ZYG11B: variants seen among roughly 807,000 people sequenced by gnomAD.
The protein encoded by ZYG11B is zyg-11 family member B, cell cycle regulator.
Under a neutral mutation model 82.4 loss-of-function variants are expected in ZYG11B, and 36 were observed. The observed-to-expected ratio is 0.44, with a 90% CI of 0.33 to 0.58. The LOEUF is 0.58. Among genes scored for constraint, ZYG11B ranks in the 20% least tolerant of loss-of-function variants. ZYG11B has a pLI of 0.02. For synonymous variants in ZYG11B, 303 were observed against 312.8 expected, an observed-to-expected ratio of 0.97 and a Z score of 0.33; for missense variants, 552 against 895.6, an observed-to-expected ratio of 0.62 and a Z score of 4.90.
chr1:52,771,949 A>T lies in ZYG11B; in HGVS notation c.951+175A>T, dbSNP rs1644755480. ...TCAGCTTCATGACCCAGAACAAGCT[A>T]TGATGTCACTTCGAGTTTTTATTTA... is the stretch of plus-strand genomic sequence containing the variant. On this transcript the variant is annotated intron_variant, in intron 3 of 13. Coordinates refer to ENST00000294353, the MANE Select transcript of ZYG11B (RefSeq NM_024646.3). The surrounding 1 kb of genome is among the most constrained non-coding windows in gnomAD (Gnocchi z 5.4). Among the ~76,000 whole-genome samples, 1 of 152,226 alleles carries T rather than the reference A, an allele frequency of 6.6e-6. No homozygotes were observed. The highest frequency in any genetic ancestry group is 2.1e-4 in the South Asian group (1 of 4,838).
chr1:52,781,459 A>G (rs1017306719), intron 4 of ZYG11B, among the ~76,000 whole-genome samples: 3 of 152,092 alleles, frequency 2.0e-5, no homozygotes, highest in Middle Eastern at 3.2e-3. Context: ...AGATCATGCT[A>G]CCACACTCCA....
intron 8 of ZYG11B, among the ~76,000 whole-genome samples, chr1:52,798,240 A>T (rs751617540): frequency 1.3e-5 from 2 of 152,182 alleles, no homozygotes; most frequent in Non-Finnish European, 2.9e-5. Flanking sequence ...TAGGAGTCAG[A>T]TGACCTAGGA....
In ZYG11B at chr1:52,826,933, T is replaced by TA. The variant is rs1645330051; in HGVS notation, c.*5305dup. 1 of 152,186 alleles carries TA rather than the reference T, an allele frequency of 6.6e-6. No homozygotes were observed. Among genetic ancestry groups the TA allele is most frequent in the Admixed American group, 6.6e-5 (1 of 15,262 alleles). The allele number at this position is 152,186 out of a possible 1,614,324, so 9.4% of individuals were successfully genotyped here. ...TTAGCTAATGAAAGCTGAGACACTT[T>TA]ATTAAAAGCAGGATCTTAAGAGCAT... On this transcript the variant is annotated 3_prime_UTR_variant, in exon 14 of 14. Transcript: ENST00000294353.
chr1:52,820,161 G>A (rs1293588045), intron 13 of ZYG11B, among the ~76,000 whole-genome samples: 4 of 151,224 alleles, frequency 2.6e-5, no homozygotes, highest in Non-Finnish European at 5.9e-5. Flanking sequence ...TTATCTGCTC[G>A]CCTCGGCCTC....
chr1:52,816,570 C>G lies in ZYG11B; in HGVS notation c.1985C>G (p.Thr662Arg). The part of the protein sequence containing the change: ...NPFFPLLGCF[T>R]TPGVQLWAVW... ...TTTTTCCCATTACTTGGCTGTTTCA[C>G]AACACCAGGAGTTCAGCTATGGGCA... The change falls in exon 13 of 14, where the codon ACA (threonine) becomes AGA (arginine). Residue 662 changes from threonine (T) to arginine (R), a missense_variant. Thr to Arg is a moderately conservative substitution (Grantham distance 71). Coordinates refer to ENST00000294353, the MANE Select transcript of ZYG11B (RefSeq NM_024646.3). 2 of 1,613,182 alleles carry G rather than the reference C, an allele frequency of 1.2e-6. No homozygotes were observed. Among genetic ancestry groups the G allele is most frequent in the Non-Finnish European group, 1.7e-6 (2 of 1,179,820 alleles).
At chr1:52,794,124 A>T (rs187494419) in intron 6 of ZYG11B, among the ~76,000 whole-genome samples, 3 of 151,832 alleles carry the variant, frequency 2.0e-5, no homozygotes, top group African/African-American at 7.2e-5. Flanking sequence ...ATAGGCGCGC[A>T]CCACCACACC....
intron 2 of ZYG11B, among the ~76,000 whole-genome samples, chr1:52,769,659 A>G (rs1644729075): frequency 2.0e-5 from 3 of 152,172 alleles, no homozygotes; most frequent in Admixed American, 1.3e-4. Context: ...TAACTGTGTA[A>G]CTGTAATTAA....
chr1:52,786,255 G>T (rs548669274), intron 5 of ZYG11B, among the ~76,000 whole-genome samples: 2 of 152,152 alleles, frequency 1.3e-5, no homozygotes, highest in African/African-American at 4.8e-5. Context: ...GTTAGGAAAT[G>T]GGGTGGGGGA....
At chr1:52,779,616 G>C (rs982054837) in intron 3 of ZYG11B, among the ~76,000 whole-genome samples, 3 of 152,092 alleles carry the variant, frequency 2.0e-5, no homozygotes, top group Admixed American at 6.5e-5. Context: ...TCAGCCTCCT[G>C]AGTAGCTGCA....
At chr1:52,770,090 A>ATT (rs1398657976) in intron 2 of ZYG11B, among the ~76,000 whole-genome samples, 4,768 of 70,620 alleles carry the variant, frequency 0.068, 115 homozygotes, top group South Asian at 0.11. Context: ...ATATATATAT[A>ATT]TATTTTTTTT....
intron 6 of ZYG11B, among the ~76,000 whole-genome samples, chr1:52,795,195 C>T (rs1178547419): frequency 1.3e-5 from 2 of 152,096 alleles, no homozygotes; most frequent in African/African-American, 4.8e-5. Context: ...CGAGTGCTGT[C>T]TTGTGATAGA....
At chr1:52,776,362 C>A (rs1030362222) in intron 3 of ZYG11B, among the ~76,000 whole-genome samples, 8 of 147,668 alleles carry the variant, frequency 5.4e-5, no homozygotes, top group Admixed American at 3.4e-4. Flanking sequence ...GAAACCTTGC[C>A]TCTACTAAAA....
chr1:52,753,290 C>G (rs1368436590), intron 1 of ZYG11B, among the ~76,000 whole-genome samples: 2 of 152,120 alleles, frequency 1.3e-5, no homozygotes, highest in South Asian at 2.1e-4. Flanking sequence ...TTGTAATAAA[C>G]TGCTAAGCTG....
chr1:52,815,430 G>C (rs543209677), intron 12 of ZYG11B, among the ~76,000 whole-genome samples: 4 of 152,210 alleles, frequency 2.6e-5, no homozygotes, highest in Admixed American at 2.6e-4. Flanking sequence ...AGCTCAGCCT[G>C]AGCAACATAG....
At chr1:52,790,594 G>T (rs1057384169) in intron 6 of ZYG11B, among the ~76,000 whole-genome samples, 1 of 151,740 alleles carries the variant, frequency 6.6e-6, no homozygotes, top group African/African-American at 2.4e-5. Context: ...GGTGGCGCAC[G>T]CCTGGAATCC....
intron 8 of ZYG11B, among the ~76,000 whole-genome samples, chr1:52,797,083 T>G (rs1345107148): frequency 1.3e-5 from 1 of 75,744 alleles, no homozygotes; most frequent in Non-Finnish European, 2.0e-5. Context: ...ATATATTGTA[T>G]ATATTTATAT....
rs1324371851 is a variant in ZYG11B at position 52,755,145 on chromosome 1, T to C, written c.31-1313T>C. 1.3e-5 allele frequency among the ~76,000 whole-genome samples: 2 copies of C among 151,808 alleles called. 1 individual carries two copies. The highest frequency in any genetic ancestry group is 4.8e-5 in the African/African-American group (2 of 41,310). On this transcript the variant is annotated intron_variant, in intron 1 of 13. Coordinates refer to ENST00000294353, the MANE Select transcript of ZYG11B (RefSeq NM_024646.3). ...CTGGCTAATTTTTTTGTATTTTTAG[T>C]AGAGATGGGATTTGACCGTGTTAGC...
chr1:52,742,872 TA>T (rs1481702149), intron 1 of ZYG11B, among the ~76,000 whole-genome samples: 6 of 146,640 alleles, frequency 4.1e-5, no homozygotes, highest in Admixed American at 2.0e-4. Context: ...AAAAAGTTAA[TA>T]AAAAAGTAAA....
chr1:52,815,047 A>G (rs943712822), intron 12 of ZYG11B, among the ~76,000 whole-genome samples: 5 of 152,068 alleles, frequency 3.3e-5, no homozygotes, highest in African/African-American at 1.2e-4. Context: ...AATTCCAGCT[A>G]CTTGGGAGGC....
Sources: allele counts gnomAD v4.1 joint callset (sites outside exome capture counted in the v4.1 genomes callset), GRCh38; gene constraint gnomAD v4.1.1; non-coding constraint Gnocchi (gnomAD v3.1); transcripts MANE v1.5; gene names NCBI Gene and HGNC (gene_info 2026-07-23, HGNC 2026-07-21).